Variants in XPO5 observed in about 807,000 individuals in gnomAD.
The protein encoded by XPO5 is exportin-5.
A neutral mutation model predicts 160.6 loss-of-function variants in XPO5; 46 were observed. The observed-to-expected ratio is 0.29, with a 90% CI of 0.23 to 0.37. The LOEUF is 0.37. Among genes scored for constraint, XPO5 ranks in the 10% least tolerant of loss-of-function variants. The pLI is 1.00. For synonymous variants in XPO5, 537 were observed against 519.3 expected, an observed-to-expected ratio of 1.03 and a Z score of -0.46; for missense variants, 1,090 against 1,463.9, an observed-to-expected ratio of 0.74 and a Z score of 4.17.
At chr6:43,528,289 T>C in intron 24 of XPO5, 84 bp from the exon 25 acceptor site, 1 of 1,398,896 alleles carries the variant, frequency 7.1e-7, no homozygotes, top group Non-Finnish European at 9.9e-7. Context: ...CACTTCATGA[T>C]TAAAATTAGC....
chr6:43,575,738 A>C (rs376384354), intron 1 of XPO5, 22 bp downstream of exon 1: 1 of 1,600,898 alleles, frequency 6.2e-7, no homozygotes, highest in Non-Finnish European at 8.5e-7. Flanking sequence ...GGACCGGCCC[A>C]GGACGCCAGG....
chr6:43,527,046 A>C, intron 26 of XPO5: 2 of 304,784 alleles, frequency 6.6e-6, no homozygotes, highest in East Asian at 5.6e-5. Flanking sequence ...AACAAACAAA[A>C]TGACACAGTA....
rs1382187345 is a variant in XPO5, at chr6:43,524,590, C to G, written c.3358G>C (p.Glu1120Gln). 1 of 1,614,000 alleles carries G rather than the reference C, an allele frequency of 6.2e-7. No individual in the cohort carries two copies. Among genetic ancestry groups the G allele is most frequent in the South Asian group, 1.1e-5 (1 of 91,084 alleles). ...TGGTCCAGTGAGTCCTTCTGTATTT[C>G]AGGGATTTGCTCCATTACAGCTCTT... ...EIRAVMEQIP[E>Q]IQKDSLDQFD... Residue 1120 changes from glutamate to glutamine, a missense_variant, in exon 31 of 32, where the codon GAA becomes CAA. By Grantham distance (29) the Glu-to-Gln change is conservative (BLOSUM62 2). Transcript: ENST00000265351.
chr6:43,530,920 G>T, intron 22 of XPO5, 96 bp from the exon 23 acceptor site: 1 of 1,437,240 alleles, frequency 7.0e-7, no homozygotes. Flanking sequence ...CTACAATAAG[G>T]TTTTTCAGCC....
At chr6:43,573,383 C>A in intron 2 of XPO5, 97 bp downstream of exon 2, 3 of 1,476,012 alleles carry the variant, frequency 2.0e-6, no homozygotes, top group Non-Finnish European at 2.7e-6. Flanking sequence ...TTGGAGATTG[C>A]TCTTCTCTAC....
At chr6:43,566,629 C>A (rs1484652852) in intron 7 of XPO5, 1 of 425,280 alleles carries the variant, frequency 2.4e-6, no homozygotes, top group Non-Finnish European at 4.8e-6. Context: ...GCTAACATGG[C>A]AAAACCTCAT....
intron 31 of XPO5, 112 bp from the exon 32 acceptor site, chr6:43,524,117 C>A: frequency 1.4e-6 from 2 of 1,453,044 alleles, no homozygotes; most frequent in South Asian, 2.7e-5. Context: ...TTTGGGAGGC[C>A]AAGGCGGGTG....
chr6:43,528,122 G>C (rs919963594), intron 25 of XPO5, 37 bp downstream of exon 25: 1 of 1,570,388 alleles, frequency 6.4e-7, no homozygotes, highest in South Asian at 1.2e-5. Flanking sequence ...CTGGCTGCCA[G>C]TTCATCCACC....
In XPO5 at chr6:43,567,354, C is replaced by A. The variant is rs1762747752; in HGVS notation, c.649G>T (p.Ala217Ser). 1 of 1,598,308 alleles carries A rather than the reference C, an allele frequency of 6.3e-7. No individual in the cohort carries two copies. The highest frequency in any genetic ancestry group is 1.3e-5 in the African/African-American group (1 of 74,346). Reference sequence around the variant, plus strand: ...ACTCCTACTCGACAGTTTGCTTGCGCCTACCAGAAAAGAAGTAACTTTGGA... The same window carrying A: ...ACTCCTACTCGACAGTTTGCTTGCGACTACCAGAAAAGAAGTAACTTTGGA... ...VKTDTSQESK[A>S]QANCRVGVAA... Residue 217 changes from alanine to serine, a missense_variant and splice_region_variant, in exon 7 of 32, where the codon GCG becomes TCG. Transcript: ENST00000265351.
intron 24 of XPO5, among the ~76,000 whole-genome samples, 171 bp from the exon 25 acceptor site, chr6:43,528,376 T>C (rs1489872112): frequency 6.6e-6 from 1 of 152,190 alleles, no homozygotes; most frequent in Admixed American, 6.5e-5. Context: ...CTATGGTTTC[T>C]GTAACCTATC....
intron 20 of XPO5, among the ~76,000 whole-genome samples, chr6:43,546,071 C>T (rs1385844022): frequency 6.6e-6 from 1 of 152,084 alleles, no homozygotes; most frequent in Non-Finnish European, 1.5e-5. Context: ...AACCAAGGAT[C>T]TAGCAAACTC....
intron 20 of XPO5, among the ~76,000 whole-genome samples, chr6:43,542,967 T>TC (rs1794778812): frequency 6.6e-6 from 1 of 151,944 alleles, no homozygotes; most frequent in African/African-American, 2.4e-5. Context: ...CACCCAAAGG[T>TC]CCATCAAGGC....
At chr6:43,557,783 TAAAAAAAAAAA>T (rs59661301) in intron 12 of XPO5, among the ~76,000 whole-genome samples, 119 of 87,242 alleles carry the variant, frequency 1.4e-3, no homozygotes, top group African/African-American at 4.7e-3. Context: ...AATAAAGCTG[TAAAAAAAAAAA>T]AAAAAAAAAA....
chr6:43,571,903 T>A (rs371285415), intron 3 of XPO5, among the ~76,000 whole-genome samples: 1 of 151,606 alleles, frequency 6.6e-6, no homozygotes, highest in East Asian at 1.9e-4. Flanking sequence ...TAGTAGTTGT[T>A]TGGAATAAAA....
chr6:43,568,606 AACAAT>A, intron 6 of XPO5, 100 bp downstream of exon 6: 2 of 1,080,314 alleles, frequency 1.9e-6, no homozygotes, highest in Non-Finnish European at 2.6e-6. Flanking sequence ...CTGTCTCCAA[AACAAT>A]ACAACACAAG....
chr6:43,536,646 G>C (rs932680782), intron 20 of XPO5, among the ~76,000 whole-genome samples: 1 of 149,794 alleles, frequency 6.7e-6, no homozygotes, highest in African/African-American at 2.5e-5. Flanking sequence ...GTAAATCCCA[G>C]CTACTCAGGA....
At chr6:43,574,894 T>C (rs1171190852) in intron 1 of XPO5, among the ~76,000 whole-genome samples, 1 of 152,218 alleles carries the variant, frequency 6.6e-6, no homozygotes, top group Admixed American at 6.5e-5. Flanking sequence ...ATCTACATAT[T>C]GTAACATTTC....
At chr6:43,544,866 A>ATTAT (rs151137102) in intron 20 of XPO5, among the ~76,000 whole-genome samples, 3,966 of 151,906 alleles carry the variant, frequency 0.026, 163 homozygotes, top group African/African-American at 0.091. Flanking sequence ...AAAAGAAAAT[A>ATTAT]TTATTTATTT....
chr6:43,564,401 T>C (rs1359516632), intron 8 of XPO5, among the ~76,000 whole-genome samples: 3 of 152,016 alleles, frequency 2.0e-5, no homozygotes, highest in Non-Finnish European at 4.4e-5. Flanking sequence ...TGGTGGTGCA[T>C]GCCTGTAATC....
Sources: allele counts gnomAD v4.1 joint callset (sites outside exome capture counted in the v4.1 genomes callset), GRCh38; gene constraint gnomAD v4.1.1; transcripts MANE v1.5; gene names NCBI Gene and HGNC (gene_info 2026-07-23, HGNC 2026-07-21).